SH2B1: variants seen among roughly 807,000 people sequenced by gnomAD.
The protein encoded by SH2B1 is SH2B adaptor protein 1.
Under a neutral mutation model 62.6 loss-of-function variants are expected in SH2B1, and 15 were observed. The ratio of observed to expected loss-of-function variants is 0.24; its 90% confidence interval spans 0.16 to 0.37. SH2B1 has a LOEUF of 0.37. SH2B1 is among the 10% of genes least tolerant of loss of function. The probability of loss-of-function intolerance (pLI) is 1.00; values close to 1 mark genes in which losing one functional copy is unlikely to be tolerated. For missense variants in SH2B1, 925 were observed against 1,015.6 expected, an observed-to-expected ratio of 0.91 and a Z score of 1.21; for synonymous variants, 443 against 438.0, an observed-to-expected ratio of 1.01 and a Z score of -0.14.
chr16:28,852,903 T>TATATGTAC, intron 1 of SH2B1, among the ~76,000 whole-genome samples: 1 of 99,110 alleles, frequency 1.0e-5, no homozygotes, highest in South Asian at 3.1e-4. Flanking sequence ...TATATTTTTA[T>TATATGTAC]ATATACATGT....
rs1221967366 is a variant in SH2B1 at position 28,866,818 on chromosome 16, G to A, written c.724G>A (p.Asp242Asn). The change falls in exon 1 of 8, where the codon GAT becomes AAT. Residue 242 changes from aspartate to asparagine, a missense_variant. By Grantham distance (23) the Asp-to-Asn change is conservative. Coordinates refer to ENST00000684370, the MANE Select transcript of SH2B1 (RefSeq NM_001387430.1). This position sits in a 1 kb window ranked among gnomAD's most constrained non-coding sequence, Gnocchi z 6.3. Reference sequence around the variant, plus strand: ...CAGTCGGGGAGGGGGCGCCTTGAAGGATGGAGCAGGGATGGTGCAGAGGGA... The same window carrying A: ...CAGTCGGGGAGGGGGCGCCTTGAAGAATGGAGCAGGGATGGTGCAGAGGGA... Reference protein sequence around the residue: ...RLSRGGGALKDGAGMVQREEL... With the variant: ...RLSRGGGALKNGAGMVQREEL... The A allele has an allele frequency of 6.3e-7, 1 of 1,587,838 alleles. No homozygotes were observed. Among genetic ancestry groups the A allele is most frequent in the Admixed American group, 1.8e-5 (1 of 56,406 alleles).
chr16:28,869,706 T>G (rs888767677), intron 4 of SH2B1, among the ~76,000 whole-genome samples: 2 of 152,198 alleles, frequency 1.3e-5, no homozygotes, highest in African/African-American at 4.8e-5. Context: ...CTGGAACACT[T>G]TGTAGAAATC....
chr16:28,856,464 C>T (rs202011078), intron 1 of SH2B1, among the ~76,000 whole-genome samples: 1 of 152,006 alleles, frequency 6.6e-6, no homozygotes, highest in Non-Finnish European at 1.5e-5. Flanking sequence ...GGTCACTGTA[C>T]CTTCTTGGCC....
intron 1 of SH2B1, among the ~76,000 whole-genome samples, chr16:28,854,249 C>T (rs546513270): frequency 1.8e-4 from 28 of 151,916 alleles, no homozygotes; most frequent in Non-Finnish European, 2.8e-4. Context: ...TGCAATGAGC[C>T]GTGATCACAC....
chr16:28,866,257 T>C lies in SH2B1; in HGVS notation c.163T>C (p.Tyr55His), dbSNP rs1352604126. The C allele has an allele frequency of 6.2e-7, 1 of 1,608,606 alleles. No individual in the cohort carries two copies. Residue 55 changes from tyrosine to histidine, a missense_variant, in exon 1 of 8, where the codon TAT (tyrosine) becomes CAT (histidine). Transcript: ENST00000684370. This position sits in a 1 kb window ranked among gnomAD's most constrained non-coding sequence, Gnocchi z 6.3. ...CCTCTACCTGGCCTCCCACCCCCAA[T>C]ATGCGGGGCCCGGGGCCGAGGCTGC... is the stretch of plus-strand genomic sequence containing the variant. ...FRLYLASHPQ[Y>H]AGPGAEAAFS...
Position 28,847,816 on chromosome 16 carries a change from C to CTT in SH2B1, c.-301+1014_-301+1015dup, listed in dbSNP as rs34950443. The stretch of plus-strand genomic sequence containing the variant: ...CGTGAGTGACAGAGAAAGACCCCAT[C>CTT]TTTTTTTTTTTTTTTTTTTTTTTTT... On this transcript the variant is annotated intron_variant, in intron 1 of 10. Transcript: ENST00000322610. Among the ~76,000 whole-genome samples the CTT allele has an allele frequency of 1.3e-3, 108 of 84,248 alleles. 7 individuals are homozygous for CTT. Among genetic ancestry groups the CTT allele is most frequent in the East Asian group, 5.0e-3 (13 of 2,590 alleles). 55.3% of individuals were successfully genotyped at this position (84,248 alleles called of 152,430 possible).
chr16:28,860,336 C>A (rs62037366), upstream of SH2B1, among the ~76,000 whole-genome samples: 43,267 of 150,972 alleles, frequency 0.29, 7,868 homozygotes, highest in Non-Finnish European at 0.39. Flanking sequence ...ACTGCGACCT[C>A]CACCTCCCAG....
At chr16:28,848,187 C>T (rs947429667) in intron 1 of SH2B1, among the ~76,000 whole-genome samples, 7 of 151,878 alleles carry the variant, frequency 4.6e-5, no homozygotes, top group African/African-American at 9.7e-5. Context: ...ACCTGTAATC[C>T]TAGCACTTTG....
At position 28,866,966 on chromosome 16, in the gene SH2B1, G is replaced by T; in HGVS notation, c.872G>T (p.Arg291Leu). ...GGGCAGCCTCAGTGGCAGAAGTGTC[G>T]CCTGCTGCTTCGAAGTGAAGGAGAA... ...GGGQPQWQKC[R>L]LLLRSEGEGG... The change falls in exon 1 of 8, where the codon CGC (arginine) becomes CTC (leucine). Residue 291 changes from arginine (R) to leucine (L), a missense_variant. Arg to Leu is a moderately radical substitution (Grantham distance 102, BLOSUM62 -2). Around this residue, in one of 3 missense-constraint regions of SH2B1, gnomAD observed 683 missense variants for 704.0 expected, o/e 0.97. Coordinates refer to ENST00000684370, the MANE Select transcript of SH2B1 (RefSeq NM_001387430.1). The surrounding 1 kb of genome is among the most constrained non-coding windows in gnomAD (Gnocchi z 6.3). 4.4e-6 allele frequency: 7 copies of T among 1,607,000 alleles called. No individual in the cohort carries two copies. Among genetic ancestry groups the T allele is most frequent in the Non-Finnish European group, 5.9e-6 (7 of 1,179,920 alleles).
chr16:28,859,295 C>G (rs946763419), upstream of SH2B1, among the ~76,000 whole-genome samples: 1 of 152,074 alleles, frequency 6.6e-6, no homozygotes, highest in Admixed American at 6.6e-5. Flanking sequence ...AGGTTTATCA[C>G]ATAGATAGAC....
rs906536808 is a variant in SH2B1 at position 28,863,884 on chromosome 16, G to C, written c.-2211G>C. On this transcript the variant is annotated 5_prime_UTR_variant, in exon 1 of 8. Coordinates refer to ENST00000684370, the MANE Select transcript of SH2B1 (RefSeq NM_001387430.1). ...TCGTCGCGTAGTGGGTGGGGGCGCA[G>C]GGAGCGGGAGCCGCCGCCGCCGCCG... 6.7e-7 allele frequency: 1 copy of C among 1,494,594 alleles called. No homozygotes were observed. The highest frequency in any genetic ancestry group is 8.9e-7 in the Non-Finnish European group (1 of 1,128,464). 92.6% of individuals were successfully genotyped at this position (1,494,594 alleles called of 1,614,324 possible). A position where few individuals can be genotyped will look rare whatever the true frequency, so the allele number is the denominator to read the frequency against.
rs753181168 is a variant in SH2B1, at chr16:28,866,152, C to T, written c.58C>T (p.Pro20Ser). 6.4e-7 allele frequency: 1 copy of T among 1,550,646 alleles called. No homozygotes were observed. The highest frequency in any genetic ancestry group is 1.2e-5 in the South Asian group (1 of 84,382). Residue 20 changes from proline to serine, a missense_variant, in exon 1 of 8, where the codon CCA becomes TCA. Around this residue, in one of 3 missense-constraint regions of SH2B1, gnomAD observed 683 missense variants for 704.0 expected, o/e 0.97. Transcript: ENST00000684370. The surrounding 1 kb of genome is among the most constrained non-coding windows in gnomAD (Gnocchi z 6.3). ...CTCCCCCTCGTCTCCCCCGCTGCCC[C>T]CACCCCCGCCCCCTAGTTGGCGGGA... The part of the protein sequence containing the change: ...GASPSSPPLP[P>S]PPPPSWREFC...
Position 28,866,855 on chromosome 16 carries a change from G to A in SH2B1, c.761G>A (p.Ser254Asn). The change falls in exon 1 of 8, where the codon AGT (serine) becomes AAT (asparagine). Residue 254 changes from serine to asparagine, a missense_variant. By Grantham distance (46) the Ser-to-Asn change is conservative. Around this residue, in one of 3 missense-constraint regions of SH2B1, gnomAD observed 683 missense variants for 704.0 expected, o/e 0.97. Coordinates refer to ENST00000684370, the MANE Select transcript of SH2B1 (RefSeq NM_001387430.1). The surrounding 1 kb of genome is among the most constrained non-coding windows in gnomAD (Gnocchi z 6.3). Reference sequence around the variant, plus strand: ...ATGGTGCAGAGGGAAGAGCTGCTGAGTTTCATGGGGGCTGAGGAGGCAGCC... The same window carrying A: ...ATGGTGCAGAGGGAAGAGCTGCTGAATTTCATGGGGGCTGAGGAGGCAGCC... ...AGMVQREELL[S>N]FMGAEEAAPD... 1 of 1,607,146 alleles carries A rather than the reference G, an allele frequency of 6.2e-7. No homozygotes were observed. The highest frequency in any genetic ancestry group is 1.1e-5 in the South Asian group (1 of 90,034).
At chr16:28,871,262 C>G (rs147836203) in intron 4 of SH2B1, among the ~76,000 whole-genome samples, 3,350 of 152,222 alleles carry the variant, frequency 0.022, 139 homozygotes, top group African/African-American at 0.078. Flanking sequence ...AAGTGATCCT[C>G]CTGCCTCAAC....
In SH2B1 at chr16:28,865,571, T is replaced by A; in HGVS notation, c.-524T>A. 2 of 985,764 alleles carry A rather than the reference T, an allele frequency of 2.0e-6. No individual in the cohort carries two copies. Among genetic ancestry groups the A allele is most frequent in the Non-Finnish European group, 2.4e-6 (2 of 830,098 alleles). The allele number at this position is 985,764 out of a possible 1,614,324, so 61.1% of individuals were successfully genotyped here. On this transcript the variant is annotated 5_prime_UTR_variant, in exon 1 of 8. Transcript: ENST00000684370. Reference sequence around the variant, plus strand: ...TAGACTTGGAGTTCTGAAACTTTTCTGAGCTTCGGTTTCCTCATCTGTTCG... The same window carrying A: ...TAGACTTGGAGTTCTGAAACTTTTCAGAGCTTCGGTTTCCTCATCTGTTCG...
intron 1 of SH2B1, among the ~76,000 whole-genome samples, chr16:28,849,519 A>G (rs1387879670): frequency 6.6e-6 from 1 of 152,182 alleles, no homozygotes; most frequent in Non-Finnish European, 1.5e-5. Context: ...TTAATGGTTT[A>G]TATTTTTGTG....
At chr16:28,870,077 C>A (rs1025893200) in intron 4 of SH2B1, among the ~76,000 whole-genome samples, 8 of 152,222 alleles carry the variant, frequency 5.3e-5, no homozygotes, top group African/African-American at 1.9e-4. Context: ...GGCTGCGCCA[C>A]CCTGTTTCCC....
rs1962186823 is a variant in SH2B1 at position 28,852,785 on chromosome 16, C to CATATATTTAT, written c.-301+5964_-301+5965insTTATATATAT. ...ATATATATATTTATATATATATTTA[C>CATATATTTAT]ATATATATTTACATATATATTTACA... On this transcript the variant is annotated intron_variant, in intron 1 of 10. Transcript: ENST00000322610. Among the ~76,000 whole-genome samples the CATATATTTAT allele has an allele frequency of 4.8e-5, 2 of 41,666 alleles. 1 individual carries two copies. The highest frequency in any genetic ancestry group is 1.8e-4 in the African/African-American group (2 of 11,418). 27.3% of individuals were successfully genotyped at this position (41,666 alleles called of 152,430 possible). A position where few individuals can be genotyped will look rare whatever the true frequency, so the allele number is the denominator to read the frequency against.
chr16:28,866,390 C>G lies in SH2B1; in HGVS notation c.296C>G (p.Ala99Gly). 1 of 1,613,686 alleles carries G rather than the reference C, an allele frequency of 6.2e-7. No homozygotes were observed. Residue 99 changes from alanine to glycine, a missense_variant, in exon 1 of 8, where the codon GCG (alanine) becomes GGG (glycine). Transcript: ENST00000684370. This position sits in a 1 kb window ranked among gnomAD's most constrained non-coding sequence, Gnocchi z 6.3. ...PPILAPLSPG[A>G]EISPHDLSLE... ...ATCCTGGCTCCCCTGAGCCCTGGTG[C>G]GGAGATTTCGCCACATGACCTGTCC...
Sources: allele counts gnomAD v4.1 joint callset (sites outside exome capture counted in the v4.1 genomes callset), GRCh38; gene constraint gnomAD v4.1.1; regional missense constraint gnomAD v4.1.1; non-coding constraint Gnocchi (gnomAD v3.1); transcripts MANE v1.5; gene names NCBI Gene and HGNC (gene_info 2026-07-23, HGNC 2026-07-21).